DGKG: variants seen among roughly 807,000 people sequenced by gnomAD.
DGKG encodes DAG kinase gamma.
A neutral mutation model predicts 105.3 loss-of-function variants in DGKG; 78 were observed. That is an observed-to-expected ratio of 0.74 (90% CI 0.62 to 0.89). DGKG has a LOEUF of 0.89. Ranked by LOEUF, DGKG falls within the 40% of genes least tolerant of loss-of-function variation. The pLI, the probability that DGKG is intolerant of heterozygous loss-of-function variation, is 0.00. For missense variants in DGKG, 958 were observed against 1,020.1 expected (o/e 0.94, Z 0.83); for synonymous variants, 346 against 367.1 (o/e 0.94, Z 0.66).
At chr3:186,302,520 A>G (rs1456066953) in intron 3 of DGKG, among the ~76,000 whole-genome samples, 1 of 68,064 alleles carries the variant, frequency 1.5e-5, no homozygotes, top group Non-Finnish European at 2.6e-5. Context: ...ATGTGTATAT[A>G]TATATATATA....
intron 21 of DGKG, among the ~76,000 whole-genome samples, chr3:186,209,024 T>C (rs1273690860): frequency 6.6e-6 from 1 of 151,926 alleles, no homozygotes; most frequent in African/African-American, 2.4e-5. Context: ...GGACATGTTA[T>C]GGTCGGCAGT....
chr3:186,276,114 C>T (rs1722576847), intron 9 of DGKG, among the ~76,000 whole-genome samples: 1 of 152,080 alleles, frequency 6.6e-6, no homozygotes, highest in Admixed American at 6.6e-5. Flanking sequence ...CCTTTTTGTG[C>T]CCTGCCAGAT....
At chr3:186,266,371 A>G (rs2108579227) in intron 13 of DGKG, among the ~76,000 whole-genome samples, 1 of 152,304 alleles carries the variant, frequency 6.6e-6, no homozygotes, top group South Asian at 2.1e-4. Flanking sequence ...ATATGCCTCA[A>G]TTTATTCATC....
intron 24 of DGKG, chr3:186,158,421 G>T (rs542852835): frequency 1.0e-6 from 1 of 982,160 alleles, no homozygotes; most frequent in South Asian, 4.7e-5. Flanking sequence ...TAAATCTCTT[G>T]TTGTTTAGGA....
chr3:186,288,804 C>A lies in DGKG; in HGVS notation c.450G>T (p.Arg150=), dbSNP rs1345047709. 1 of 1,613,186 alleles carries A rather than the reference C, an allele frequency of 6.2e-7. No individual in the cohort carries two copies. Among genetic ancestry groups the A allele is most frequent in the African/African-American group, 1.3e-5 (1 of 74,960 alleles). ...CCACTGGGGATTCCGAGCTTGAAGA[C>A]CGAGGGACGGGGGGTTCCAGGGGGG... The part of the protein sequence containing the change: ...AATPLEPPVP[R]SSSSESPVVY... The change falls in exon 6 of 25, where the codon CGG becomes CGT. Residue 150 remains arginine, a synonymous_variant. Transcript: ENST00000265022.
chr3:186,345,852 C>T (rs1726305397), intron 1 of DGKG, among the ~76,000 whole-genome samples: 1 of 152,220 alleles, frequency 6.6e-6, no homozygotes, highest in Non-Finnish European at 1.5e-5. Flanking sequence ...TCACTGCAAC[C>T]TCCGCCTCAT....
intron 21 of DGKG, among the ~76,000 whole-genome samples, chr3:186,201,733 T>A (rs945476897): frequency 2.0e-5 from 3 of 152,244 alleles, no homozygotes; most frequent in African/African-American, 7.2e-5. Flanking sequence ...TCATTGCTAA[T>A]GTTCACACCA....
At chr3:186,177,817 G>A (rs1717157154) in intron 22 of DGKG, among the ~76,000 whole-genome samples, 1 of 152,128 alleles carries the variant, frequency 6.6e-6, no homozygotes, top group Admixed American at 6.5e-5. Flanking sequence ...CCCATAAGTA[G>A]GTATTCAATA....
At chr3:186,223,162 G>GGA (rs1719680993) in intron 20 of DGKG, among the ~76,000 whole-genome samples, 1 of 150,976 alleles carries the variant, frequency 6.6e-6, no homozygotes, top group Admixed American at 6.6e-5. Flanking sequence ...CGCTGAATTG[G>GGA]GATTGGGGAT....
intron 1 of DGKG, among the ~76,000 whole-genome samples, chr3:186,330,804 G>A (rs1725563975): frequency 2.0e-5 from 3 of 152,192 alleles, no homozygotes; most frequent in South Asian, 2.1e-4. Context: ...GACATCACAC[G>A]TGGAGCAGAG....
At chr3:186,296,455 G>A (rs946630847) in intron 5 of DGKG, among the ~76,000 whole-genome samples, 1 of 152,202 alleles carries the variant, frequency 6.6e-6, no homozygotes, top group Non-Finnish European at 1.5e-5. Flanking sequence ...AATTAAGTAT[G>A]GTAACCTTCA....
intron 8 of DGKG, 70 bp downstream of exon 8, chr3:186,280,600 T>C (rs1722785235): frequency 1.6e-6 from 2 of 1,231,130 alleles, no homozygotes. Context: ...CACTCATTCA[T>C]GTCTTGAGTG....
intron 21 of DGKG, among the ~76,000 whole-genome samples, chr3:186,205,717 AC>A (rs1033557827): frequency 1.3e-5 from 2 of 149,888 alleles, no homozygotes; most frequent in African/African-American, 4.9e-5. Flanking sequence ...TCAAAAAAAA[AC>A]CAAAACAACA....
In DGKG at chr3:186,361,529, G is replaced by T. The variant is rs1161087919; in HGVS notation, c.-249+417C>A. On this transcript the variant is annotated intron_variant, in intron 1 of 24. Coordinates refer to ENST00000265022, the MANE Select transcript of DGKG (RefSeq NM_001346.3). This position sits in a 1 kb window ranked among gnomAD's most constrained non-coding sequence, Gnocchi z 6.8. The stretch of plus-strand genomic sequence containing the variant: ...CCGCGGGACGGTCGGAGGCTTTGGC[G>T]GCCAGACATTAGGAAAAGCATCTCC... Among the ~76,000 whole-genome samples the T allele has an allele frequency of 6.6e-6, 1 of 152,098 alleles. No homozygotes were observed. The highest frequency in any genetic ancestry group is 2.4e-5 in the African/African-American group (1 of 41,418).
At chr3:186,352,692 T>A (rs1175902794) in intron 1 of DGKG, among the ~76,000 whole-genome samples, 1 of 152,176 alleles carries the variant, frequency 6.6e-6, no homozygotes, top group Non-Finnish European at 1.5e-5. Context: ...ATACACTCAG[T>A]TACAAGTTCT....
chr3:186,263,561 C>G (rs2108575992), intron 14 of DGKG, among the ~76,000 whole-genome samples: 1 of 149,692 alleles, frequency 6.7e-6, no homozygotes, highest in Middle Eastern at 3.4e-3. Flanking sequence ...GAGCGAAACC[C>G]CATCTCAAAA....
At chr3:186,342,641 G>T (rs925963324) in intron 1 of DGKG, among the ~76,000 whole-genome samples, 16 of 151,916 alleles carry the variant, frequency 1.1e-4, no homozygotes, top group Non-Finnish European at 1.5e-5. Flanking sequence ...GCTTGGTGAA[G>T]CAAGCAGAAG....
chr3:186,191,445 T>C (rs1717903015), intron 21 of DGKG, among the ~76,000 whole-genome samples: 1 of 152,224 alleles, frequency 6.6e-6, no homozygotes, highest in African/African-American at 2.4e-5. Context: ...TTTGTCAAAG[T>C]GGCCCCTGAA....
At chr3:186,183,924 G>A (rs1486527618) in intron 22 of DGKG, among the ~76,000 whole-genome samples, 1 of 152,052 alleles carries the variant, frequency 6.6e-6, no homozygotes, top group African/African-American at 2.4e-5. Flanking sequence ...GGCTGGTCTC[G>A]AACTCCCAAC....
Sources: allele counts gnomAD v4.1 joint callset (sites outside exome capture counted in the v4.1 genomes callset), GRCh38; gene constraint gnomAD v4.1.1; non-coding constraint Gnocchi (gnomAD v3.1); transcripts MANE v1.5; gene names NCBI Gene and HGNC (gene_info 2026-07-23, HGNC 2026-07-21).